FGGY: variants seen among roughly 807,000 people sequenced by gnomAD.
The protein encoded by FGGY is FGGY carbohydrate kinase domain containing, also known as FGGY carbohydrate kinase domain-containing protein.
Under a neutral mutation model 71.3 loss-of-function variants are expected in FGGY, and 72 were observed. The ratio of observed to expected loss-of-function variants is 1.01; its 90% CI spans 0.84 to 1.23. The LOEUF (loss-of-function observed/expected upper bound fraction) is 1.23, where lower values mean the gene tolerates loss of function less well. Ranked by LOEUF, FGGY falls within the 50% of genes most tolerant of loss-of-function variation. FGGY has a pLI of 0.00. For missense variants in FGGY, 668 were observed against 682.3 expected, an observed-to-expected ratio of 0.98 and a Z score of 0.23; for synonymous variants, 251 against 250.3, an observed-to-expected ratio of 1.00 and a Z score of -0.02.
chr1:59,464,273 A>C (rs554650226), intron 6 of FGGY, among the ~76,000 whole-genome samples: 2 of 152,352 alleles, frequency 1.3e-5, no homozygotes, highest in South Asian at 4.1e-4. Flanking sequence ...CTACTGGGTA[A>C]ATAATGAAAT....
upstream of FGGY, chr1:59,296,828 T>G (rs1249530679): frequency 6.6e-6 from 1 of 152,524 alleles, no homozygotes; most frequent in African/African-American, 2.4e-5. Context: ...GGGACCGCCC[T>G]GCTCAGGCGC....
chr1:59,371,025 CATA>C (rs1377092132), intron 4 of FGGY, among the ~76,000 whole-genome samples: 3 of 151,622 alleles, frequency 2.0e-5, no homozygotes, highest in Non-Finnish European at 4.4e-5. Flanking sequence ...CAGCTAACAT[CATA>C]ATGACAGGAT....
rs199810745 is a variant in FGGY at position 59,321,732 on chromosome 1, G to A, written c.183G>A (p.Ala61=). 4.3e-4 allele frequency: 688 copies of A among 1,611,040 alleles called. No homozygotes were observed. The highest frequency in any genetic ancestry group is 5.6e-4 in the Non-Finnish European group (662 of 1,178,864). ...HEQSSEDIWA[A]CCVVTKKVVQ... ...AGTCCTCCGAGGACATCTGGGCTGCGTGCTGTGTTGTCACAAAGGTATGGG... is the reference window on the plus strand; with the variant it reads ...AGTCCTCCGAGGACATCTGGGCTGCATGCTGTGTTGTCACAAAGGTATGGG... The change falls in exon 2 of 16, where the codon GCG becomes GCA. Residue 61 remains alanine (A), a synonymous_variant. Transcript: ENST00000303721.
chr1:59,478,840 C>T (rs1423059959), intron 6 of FGGY, among the ~76,000 whole-genome samples: 1 of 152,058 alleles, frequency 6.6e-6, no homozygotes, highest in Non-Finnish European at 1.5e-5. Flanking sequence ...TAAGGATGTA[C>T]CTGCCAAGGG....
At chr1:59,302,827 G>T (rs112804268) in intron 1 of FGGY, among the ~76,000 whole-genome samples, 3 of 150,612 alleles carry the variant, frequency 2.0e-5, no homozygotes, top group Non-Finnish European at 3.0e-5. Context: ...AAAAAATAAA[G>T]CCATTCACAA....
At chr1:59,323,787 T>G (rs1430652576) in intron 2 of FGGY, among the ~76,000 whole-genome samples, 1 of 152,208 alleles carries the variant, frequency 6.6e-6, no homozygotes, top group Non-Finnish European at 1.5e-5. Flanking sequence ...ACATAGGATG[T>G]CATAACATTG....
chr1:59,452,509 A>G (rs1442918818), intron 5 of FGGY, among the ~76,000 whole-genome samples: 1 of 151,206 alleles, frequency 6.6e-6, no homozygotes, highest in African/African-American at 2.5e-5. Flanking sequence ...CATATTTTTC[A>G]TCATTTCTAC....
At chr1:59,562,793 G>A (rs1007824386) in intron 8 of FGGY, among the ~76,000 whole-genome samples, 2 of 152,180 alleles carry the variant, frequency 1.3e-5, no homozygotes, top group Non-Finnish European at 2.9e-5. Flanking sequence ...GGGGCACAAG[G>A]AAAGATTTGG....
intron 4 of FGGY, among the ~76,000 whole-genome samples, chr1:59,372,957 T>C (rs561067877): frequency 6.6e-6 from 1 of 152,234 alleles, no homozygotes; most frequent in East Asian, 1.9e-4. Flanking sequence ...AATATCACAC[T>C]GAATGGGCAA....
intron 6 of FGGY, among the ~76,000 whole-genome samples, chr1:59,467,309 C>T (rs2092693647): frequency 6.6e-6 from 1 of 151,864 alleles, no homozygotes; most frequent in South Asian, 2.1e-4. Flanking sequence ...GATGAGAACA[C>T]TTGGACACAG....
At chr1:59,592,117 G>A (rs986346840) in intron 8 of FGGY, among the ~76,000 whole-genome samples, 15 of 152,250 alleles carry the variant, frequency 9.9e-5, no homozygotes, top group African/African-American at 2.9e-4. Context: ...ATCAAAAAGT[G>A]GGCAAAGGAC....
At chr1:59,438,206 G>GC (rs1187047986) in intron 5 of FGGY, among the ~76,000 whole-genome samples, 2 of 152,170 alleles carry the variant, frequency 1.3e-5, no homozygotes, top group African/African-American at 4.8e-5. Flanking sequence ...TCAGAGAGTT[G>GC]CCCAAGACTA....
chr1:59,325,465 C>T (rs2047262589), intron 2 of FGGY, among the ~76,000 whole-genome samples: 1 of 152,144 alleles, frequency 6.6e-6, no homozygotes, highest in African/African-American at 2.4e-5. Flanking sequence ...TTTTTACCAA[C>T]CTCAGCAGAA....
Position 59,625,991 on chromosome 1 carries a change from G to A in FGGY, c.1015G>A (p.Asp339Asn). 1 of 1,601,436 alleles carries A rather than the reference G, an allele frequency of 6.2e-7. No individual in the cohort carries two copies. The highest frequency in any genetic ancestry group is 8.5e-7 in the Non-Finnish European group (1 of 1,173,660). The part of the protein sequence containing the change: ...GGQSVTGKLI[D>N]HMVQGHAAFP... Reference sequence around the variant, plus strand: ...ACCCATGTCTCTTATTTTTCAGATAGACCACATGGTACAAGGCCATGCTGC... The same window carrying A: ...ACCCATGTCTCTTATTTTTCAGATAAACCACATGGTACAAGGCCATGCTGC... The change falls in exon 10 of 16, where the codon GAC (aspartate) becomes AAC (asparagine). Residue 339 changes from aspartate to asparagine, a missense_variant. This residue lies in a region of FGGY where 661 missense variants were observed against 661.6 expected (regional missense o/e 1.00). Transcript: ENST00000303721.
intron 11 of FGGY, among the ~76,000 whole-genome samples, chr1:59,657,672 G>A (rs2097233428): frequency 6.6e-6 from 1 of 152,218 alleles, no homozygotes; most frequent in East Asian, 1.9e-4. Flanking sequence ...GCTATGACCA[G>A]GCTGAAATCC....
At chr1:59,309,724 C>G (rs369090822) in intron 1 of FGGY, among the ~76,000 whole-genome samples, 1 of 152,050 alleles carries the variant, frequency 6.6e-6, no homozygotes, top group Admixed American at 6.6e-5. Flanking sequence ...GCCTGTAATC[C>G]CAGCACTTTG....
At chr1:59,463,021 C>T (rs1192948664) in intron 6 of FGGY, among the ~76,000 whole-genome samples, 1 of 152,110 alleles carries the variant, frequency 6.6e-6, no homozygotes, top group African/African-American at 2.4e-5. Flanking sequence ...ATGTTTATTG[C>T]GGCTCTGTTC....
chr1:59,529,163 G>A (rs907485804), intron 7 of FGGY, among the ~76,000 whole-genome samples: 1 of 152,214 alleles, frequency 6.6e-6, no homozygotes, highest in African/African-American at 2.4e-5. Flanking sequence ...ACTAGTTACT[G>A]TGGCAAATAC....
intron 14 of FGGY, among the ~76,000 whole-genome samples, chr1:59,756,601 AGTGTTATGCTTGGCAC>A: frequency 6.6e-6 from 1 of 152,252 alleles, no homozygotes; most frequent in East Asian, 1.9e-4. Context: ...ATGTAGATTG[AGTGTTATGCTTGGCAC>A]GTGAAAGGGA....
Sources: allele counts gnomAD v4.1 joint callset (sites outside exome capture counted in the v4.1 genomes callset), GRCh38; gene constraint gnomAD v4.1.1; regional missense constraint gnomAD v4.1.1; transcripts MANE v1.5; gene names NCBI Gene and HGNC (gene_info 2026-07-23, HGNC 2026-07-21).